The following DYSF variants were observed in gnomAD, a reference collection of about 807,000 sequenced individuals.
DYSF encodes the protein dysferlin.
DYSF carries 212 observed loss-of-function variants against 274.9 expected under a neutral mutation model. That is an observed-to-expected ratio of 0.77 (90% CI 0.69 to 0.86). The LOEUF (loss-of-function observed/expected upper bound fraction) is 0.86, where lower values mean the gene tolerates loss of function less well. Among genes scored for constraint, DYSF ranks in the 40% least tolerant of loss-of-function variants. The pLI, the probability that DYSF is intolerant of heterozygous loss-of-function variation, is 0.00. For missense variants in DYSF, 2,666 were observed against 2,783.2 expected (o/e 0.96, Z 0.95); for synonymous variants, 1,091 against 1,078.7 (o/e 1.01, Z -0.22).
intron 39 of DYSF, 38 bp downstream of exon 39, chr2:71,612,844 G>T (rs551234007): frequency 6.3e-7 from 1 of 1,592,432 alleles, no homozygotes; most frequent in Non-Finnish European, 8.6e-7. Context: ...TCAGGGAAGG[G>T]GGAGCCTCAG....
chr2:71,648,834 A>G (rs189706702), intron 42 of DYSF, among the ~76,000 whole-genome samples: 1 of 152,306 alleles, frequency 6.6e-6, no homozygotes, highest in African/African-American at 2.4e-5. Flanking sequence ...TCCATATCCA[A>G]AGACAATAAC....
At position 71,681,107 on chromosome 2, in the gene DYSF, C is replaced by G. The variant is rs1232412733; in HGVS notation, c.6170C>G (p.Pro2057Arg). 6.2e-7 allele frequency: 1 copy of G among 1,613,844 alleles called. No individual in the cohort carries two copies. Among genetic ancestry groups the G allele is most frequent in the South Asian group, 1.1e-5 (1 of 91,036 alleles). The change falls in exon 54 of 56, where the codon CCA becomes CGA. Residue 2057 changes from proline (P) to arginine (R), a missense_variant. Pro to Arg is a moderately radical substitution (Grantham distance 103, BLOSUM62 -2). Transcript: ENST00000410020. Reference protein sequence around the residue: ...EPNMNPKLEDPRRPDTSFLWF... With the variant: ...EPNMNPKLEDRRRPDTSFLWF... ...AACATGAACCCTAAGCTTGAGGACC[C>G]AAGGTCAGTGCCCAGCCCCTGAGCC... is the stretch of plus-strand genomic sequence containing the variant.
chr2:71,605,417 C>T (rs1168633962), intron 36 of DYSF, among the ~76,000 whole-genome samples: 1 of 152,232 alleles, frequency 6.6e-6, no homozygotes, highest in African/African-American at 2.4e-5. Context: ...CATGCACGCA[C>T]ACACAGCAGC....
chr2:71,607,303 C>T (rs1295511623), intron 36 of DYSF, among the ~76,000 whole-genome samples: 1 of 152,160 alleles, frequency 6.6e-6, no homozygotes, highest in African/African-American at 2.4e-5. Context: ...AACCTGCTAG[C>T]ATTCAGAAGG....
intron 32 of DYSF, among the ~76,000 whole-genome samples, chr2:71,592,464 C>T (rs1194222732): frequency 6.6e-6 from 1 of 152,262 alleles, no homozygotes; most frequent in African/African-American, 2.4e-5. Context: ...ATGGGTGAAC[C>T]TATAAAACCC....
At chr2:71,536,886 T>C (rs2089399762) in intron 16 of DYSF, among the ~76,000 whole-genome samples, 1 of 152,206 alleles carries the variant, frequency 6.6e-6, no homozygotes, top group Admixed American at 6.5e-5. Context: ...ATCCTGGAAA[T>C]AGGATATAGT....
chr2:71,573,764 G>T (rs1486507260), intron 29 of DYSF, among the ~76,000 whole-genome samples: 1 of 152,054 alleles, frequency 6.6e-6, no homozygotes, highest in Non-Finnish European at 1.5e-5. Flanking sequence ...TGGCTGTTTG[G>T]TTCTTCCCGC....
At chr2:71,606,511 C>T (rs1225900592) in intron 36 of DYSF, among the ~76,000 whole-genome samples, 13 of 152,114 alleles carry the variant, frequency 8.5e-5, no homozygotes. Context: ...TCGCAGCACC[C>T]TCACTGAGAA....
At chr2:71,643,722 G>C (rs1176042419) in intron 41 of DYSF, among the ~76,000 whole-genome samples, 1 of 152,146 alleles carries the variant, frequency 6.6e-6, no homozygotes, top group Non-Finnish European at 1.5e-5. Context: ...ACATGCTTGG[G>C]GGGCAGAGCC....
At chr2:71,458,099 A>G (rs1024835242) in intron 1 of DYSF, among the ~76,000 whole-genome samples, 1 of 152,180 alleles carries the variant, frequency 6.6e-6, no homozygotes, top group African/African-American at 2.4e-5. Flanking sequence ...TGGGCAAGTT[A>G]CTTAACCACT....
chr2:71,495,606 G>A (rs1012713301), intron 3 of DYSF, among the ~76,000 whole-genome samples: 1 of 152,130 alleles, frequency 6.6e-6, no homozygotes, highest in Non-Finnish European at 1.5e-5. Flanking sequence ...GCATTTGGGA[G>A]AAGGTAGCTT....
At chr2:71,464,284 G>A (rs540158175), upstream of DYSF, among the ~76,000 whole-genome samples, 2 of 152,236 alleles carry the variant, frequency 1.3e-5, no homozygotes, top group African/African-American at 4.8e-5. Flanking sequence ...GCTGTTTCAG[G>A]CACTGAGGAA....
At chr2:71,570,833 A>G in intron 29 of DYSF, 92 bp downstream of exon 29, 3 of 1,555,326 alleles carry the variant, frequency 1.9e-6, no homozygotes, top group Non-Finnish European at 2.6e-6. Context: ...AGACACATGC[A>G]TGTGTGCACA....
chr2:71,594,766 C>A (rs895601964), intron 32 of DYSF, among the ~76,000 whole-genome samples: 1 of 152,216 alleles, frequency 6.6e-6, no homozygotes, highest in Admixed American at 6.5e-5. Context: ...CGGCCTACCT[C>A]CTCATCCTTG....
At chr2:71,496,098 C>A (rs2084361300) in intron 3 of DYSF, among the ~76,000 whole-genome samples, 1 of 152,018 alleles carries the variant, frequency 6.6e-6, no homozygotes, top group African/African-American at 2.4e-5. Flanking sequence ...CAAATGCCAT[C>A]CCTGCATAGT....
intron 24 of DYSF, among the ~76,000 whole-genome samples, chr2:71,566,189 G>A (rs2092091319): frequency 2.0e-5 from 3 of 151,342 alleles, no homozygotes; most frequent in Admixed American, 1.3e-4. Flanking sequence ...TATCTGAGTG[G>A]GGCTGACCGG....
At chr2:71,567,140 T>C (rs2092155815) in intron 24 of DYSF, among the ~76,000 whole-genome samples, 1 of 152,238 alleles carries the variant, frequency 6.6e-6, no homozygotes, top group Admixed American at 6.5e-5. Context: ...TTCAATCAAA[T>C]GGTGAAGTAA....
In DYSF at chr2:71,664,429, C is replaced by G. The variant is rs1263498493; in HGVS notation, c.5165C>G (p.Thr1722Ser). The G allele has an allele frequency of 1.2e-6, 2 of 1,614,172 alleles. No individual in the cohort carries two copies. Among genetic ancestry groups the G allele is most frequent in the Non-Finnish European group, 8.5e-7 (1 of 1,180,014 alleles). ...KFGARCGLPQ[T>S]YCVSGPNQWR... ...GGGGCTCGCTGTGGACTCCCACAGACCTACTGTGTGTACGTGGATGGGGGC... is the reference window on the plus strand; with the variant it reads ...GGGGCTCGCTGTGGACTCCCACAGAGCTACTGTGTGTACGTGGATGGGGGC... The change falls in exon 46 of 56, where the codon ACC becomes AGC. Residue 1722 changes from threonine (T) to serine (S), a missense_variant. Around this residue, in one of 3 missense-constraint regions of DYSF, gnomAD observed 1,460 missense variants for 1,502.1 expected, o/e 0.97. Coordinates refer to ENST00000410020, the MANE Select transcript of DYSF (RefSeq NM_001130987.2).
intron 17 of DYSF, among the ~76,000 whole-genome samples, chr2:71,547,077 G>C (rs1343876690): frequency 2.0e-5 from 3 of 152,256 alleles, no homozygotes; most frequent in Non-Finnish European, 4.4e-5. Flanking sequence ...CCTGGGCTGA[G>C]GGAAAACACA....
Sources: gnomAD v4.1 joint callset for allele counts (sites outside exome capture counted in the v4.1 genomes callset) on GRCh38, gnomAD v4.1.1 for gene constraint, gnomAD v4.1.1 regional missense constraint, MANE v1.5 for transcripts, NCBI Gene and HGNC (gene_info 2026-07-23, HGNC 2026-07-21) for gene names.